Variants in BAIAP3 observed in about 807,000 individuals in gnomAD.
BAIAP3 encodes the protein BAI1 associated protein 3, also known as BAI1-associated protein 3.
Under a neutral mutation model 149.7 loss-of-function variants are expected in BAIAP3, and 180 were observed. The ratio of observed to expected loss-of-function variants is 1.20; its 90% CI spans 1.07 to 1.36. BAIAP3 has a LOEUF of 1.36. BAIAP3 is among the 40% of genes most tolerant of loss of function. The pLI, the probability that BAIAP3 is intolerant of heterozygous loss-of-function variation, is 0.00. For synonymous variants in BAIAP3, 845 were observed against 670.7 expected, an observed-to-expected ratio of 1.26 and a Z score of -4.02; for missense variants, 1,767 against 1,563.4, an observed-to-expected ratio of 1.13 and a Z score of -2.20.
Position 1,343,386 on chromosome 16 carries a change from C to A in BAIAP3, c.1266-7C>A. On this transcript the variant is annotated splice_region_variant and splice_polypyrimidine_tract_variant and intron_variant, in intron 14 of 33. Coordinates refer to ENST00000426824, the MANE Select transcript of BAIAP3 (RefSeq NM_001199097.2). ...CATACCCTTTGACCATGGGCCGGGC[C>A]CCACAGGCACTGGCAGGTCAGCAGC... is the stretch of plus-strand genomic sequence containing the variant. The A allele has an allele frequency of 1.3e-6, 2 of 1,579,970 alleles. No homozygotes were observed. The highest frequency in any genetic ancestry group is 8.6e-7 in the Non-Finnish European group (1 of 1,163,992).
intron 1 of BAIAP3, among the ~76,000 whole-genome samples, chr16:1,337,323 C>T (rs1469507907): frequency 6.6e-6 from 1 of 152,186 alleles, no homozygotes; most frequent in Non-Finnish European, 1.5e-5. Context: ...CAAGACCAGC[C>T]TGGCCAACAT....
At chr16:1,344,919 G>C in intron 20 of BAIAP3, 50 bp from the exon 21 acceptor site, 3 of 1,613,552 alleles carry the variant, frequency 1.9e-6, no homozygotes, top group Non-Finnish European at 1.7e-6. Context: ...TGGCTAGGAC[G>C]GTCCTGGGAT....
In BAIAP3 at chr16:1,349,336, C is replaced by A. The variant is rs760851056; in HGVS notation, c.*854C>A. On this transcript the variant is annotated 3_prime_UTR_variant, in exon 34 of 34. Coordinates refer to ENST00000426824, the MANE Select transcript of BAIAP3 (RefSeq NM_001199097.2). ...GGAGAACCCGGACAGCTCAGTCCTG[C>A]CAGCAGCCGCAAAGAGCCGAGGCTG... is the stretch of plus-strand genomic sequence containing the variant. 7.4e-7 allele frequency: 1 copy of A among 1,359,880 alleles called. No individual in the cohort carries two copies. Among genetic ancestry groups the A allele is most frequent in the Non-Finnish European group, 1.1e-6 (1 of 950,734 alleles). The allele number at this position is 1,359,880 out of a possible 1,614,324, so 84.2% of individuals were successfully genotyped here.
chr16:1,347,754 G>A lies in BAIAP3; in HGVS notation c.2958G>A (p.Glu986=), dbSNP rs766033341. The A allele has an allele frequency of 1.2e-6, 2 of 1,609,928 alleles. No individual in the cohort carries two copies. The highest frequency in any genetic ancestry group is 1.7e-6 in the Non-Finnish European group (2 of 1,177,724). Residue 986 remains glutamate (E), a synonymous_variant, in exon 31 of 34, where the codon GAG becomes GAA. Coordinates refer to ENST00000426824, the MANE Select transcript of BAIAP3 (RefSeq NM_001199097.2). The part of the protein sequence containing the change: ...FGRLSVRCHY[E]AAEQRLAVEV... The stretch of plus-strand genomic sequence containing the variant: ...GCCTGAGCGTCCGTTGCCATTACGA[G>A]GCGGCTGAGCAGCGGCTGGCCGTGG...
chr16:1,334,456 CG>C (rs1245485326), intron 1 of BAIAP3: 2 of 580,286 alleles, frequency 3.4e-6, no homozygotes, highest in African/African-American at 1.9e-5. Flanking sequence ...TGCCGCGAGG[CG>C]GGGCAGGGAG....
rs2034216566 is a variant in BAIAP3, at chr16:1,345,042, T to A, written c.1883T>A (p.Phe628Tyr). Residue 628 changes from phenylalanine (F) to tyrosine (Y), a missense_variant, in exon 21 of 34, where the codon TTT (phenylalanine) becomes TAT (tyrosine). Coordinates refer to ENST00000426824, the MANE Select transcript of BAIAP3 (RefSeq NM_001199097.2). Reference sequence around the variant, plus strand: ...ACCCTGGAGGTGGCCTCGGGGCTCTTTGAGCTCTACCTGACCCTGGCTGAC... The same window carrying A: ...ACCCTGGAGGTGGCCTCGGGGCTCTATGAGCTCTACCTGACCCTGGCTGAC... ...KMTLEVASGL[F>Y]ELYLTLADLQ... The A allele has an allele frequency of 1.9e-6, 3 of 1,612,470 alleles. No homozygotes were observed. The highest frequency in any genetic ancestry group is 2.5e-6 in the Non-Finnish European group (3 of 1,180,014).
chr16:1,345,983 C>A lies in BAIAP3; in HGVS notation c.2209-3C>A. ...TGGCTCCCCACCGCCATCCCCTCCT[C>A]AGGACGTGTGTGAGGCCACCCTCTT... On this transcript the variant is annotated splice_region_variant and splice_polypyrimidine_tract_variant and intron_variant, in intron 23 of 33. Coordinates refer to ENST00000426824, the MANE Select transcript of BAIAP3 (RefSeq NM_001199097.2). The A allele has an allele frequency of 6.2e-7, 1 of 1,604,816 alleles. No individual in the cohort carries two copies. Among genetic ancestry groups the A allele is most frequent in the Non-Finnish European group, 8.5e-7 (1 of 1,175,624 alleles).
chr16:1,341,892 C>T (rs112493599), intron 9 of BAIAP3, 26 bp downstream of exon 9: 33,208 of 1,605,404 alleles, frequency 0.021, 454 homozygotes, highest in South Asian at 0.042. Context: ...CCATGCAGGG[C>T]GGCGGGGATG....
chr16:1,341,301 C>T lies in BAIAP3; in HGVS notation c.543C>T (p.Ser181=), dbSNP rs978127870. 9.3e-6 allele frequency: 15 copies of T among 1,607,814 alleles called. No individual in the cohort carries two copies. In the Admixed American group the frequency reaches 1.2e-4, roughly 13 times the overall value. Residue 181 remains serine (S), a synonymous_variant, in exon 8 of 34, where the codon AGC becomes AGT. Transcript: ENST00000426824. The part of the protein sequence containing the change: ...NLLAKDPNGF[S]DPYCMLGILP... The stretch of plus-strand genomic sequence containing the variant: ...GACGCCTGCCGTGCCCAGGCTTCAG[C>T]GACCCATACTGCATGCTGGGCATCC...
In BAIAP3 at chr16:1,349,209, G is replaced by C. The variant is rs978040387; in HGVS notation, c.*727G>C. The C allele has an allele frequency of 2.5e-5, 15 of 588,262 alleles. No individual in the cohort carries two copies. Among genetic ancestry groups the C allele is most frequent in the South Asian group, 2.3e-4 (12 of 51,996 alleles). The allele number at this position is 588,262 out of a possible 1,614,324, so 36.4% of individuals were successfully genotyped here. A position where few individuals can be genotyped will look rare whatever the true frequency, so the allele number is the denominator to read the frequency against. ...AGAGTTCGCCCCAACCCTTCCCCAGGCCCAGTGTGAAAAACAGACTCACAA... is the reference window on the plus strand; with the variant it reads ...AGAGTTCGCCCCAACCCTTCCCCAGCCCCAGTGTGAAAAACAGACTCACAA... On this transcript the variant is annotated 3_prime_UTR_variant, in exon 34 of 34. Coordinates refer to ENST00000426824, the MANE Select transcript of BAIAP3 (RefSeq NM_001199097.2).
chr16:1,345,677 A>T (rs1377961208), intron 22 of BAIAP3, 70 bp from the exon 23 acceptor site: 26 of 288,866 alleles, frequency 9.0e-5, no homozygotes, highest in Middle Eastern at 1.1e-3. Context: ...CTCCCCCACA[A>T]CCCCCGCCTC....
Position 1,344,314 on chromosome 16 carries a change from G to T in BAIAP3, c.1599G>T (p.Leu533=), listed in dbSNP as rs774368065. 1.4e-5 allele frequency: 23 copies of T among 1,613,694 alleles called. 1 individual carries two copies. The South Asian group carries it at 2.3e-4, about 16-fold the overall frequency. Reference sequence around the variant, plus strand: ...TGAACATGGACATTGCTGCGGCCCTGAAGGTGTGTTCCAAAGCCCAGTGGA... The same window carrying T: ...TGAACATGGACATTGCTGCGGCCCTTAAGGTGTGTTCCAAAGCCCAGTGGA... The part of the protein sequence containing the change: ...SELNMDIAAA[L]KRGNREWYDR... The change falls in exon 17 of 34, where the codon CTG becomes CTT. Residue 533 remains leucine (L), a synonymous_variant. Coordinates refer to ENST00000426824, the MANE Select transcript of BAIAP3 (RefSeq NM_001199097.2).
In BAIAP3 at chr16:1,346,361, G is replaced by C; in HGVS notation, c.2493G>C (p.Lys831Asn). Residue 831 changes from lysine (K) to asparagine (N), a missense_variant and splice_region_variant, in exon 25 of 34, where the codon AAG becomes AAC. Lys to Asn is a moderately conservative substitution (Grantham distance 94). Coordinates refer to ENST00000426824, the MANE Select transcript of BAIAP3 (RefSeq NM_001199097.2). ...CGGTGACAGCGCACCTGACCTCTAA[G>C]GTGGGTGGGGCCTGGAGACCAAGGC... is the stretch of plus-strand genomic sequence containing the variant. ...AHTVTAHLTS[K>N]MVGDIRKYVQ... The C allele has an allele frequency of 6.2e-7, 1 of 1,609,512 alleles. No individual in the cohort carries two copies. The highest frequency in any genetic ancestry group is 8.5e-7 in the Non-Finnish European group (1 of 1,177,362).
At position 1,345,841 on chromosome 16, in the gene BAIAP3, C is replaced by A. The variant is rs372361431; in HGVS notation, c.2159C>A (p.Ala720Glu). 1.1e-5 allele frequency: 17 copies of A among 1,579,350 alleles called. No individual in the cohort carries two copies. The highest frequency in any genetic ancestry group is 1.1e-5 in the Non-Finnish European group (13 of 1,164,806). ...SHIQELWVRL[A>E]WPDPAQAQGL... ...ATCCAGGAGTTGTGGGTGCGCCTGG[C>A]GTGGCCTGACCCTGCCCAGGCTCAG... The change falls in exon 23 of 34, where the codon GCG (alanine) becomes GAG (glutamate). Residue 720 changes from alanine (A) to glutamate (E), a missense_variant. Ala to Glu is a moderately radical substitution (Grantham distance 107). Transcript: ENST00000426824.
Position 1,344,322 on chromosome 16 carries a change from G to C in BAIAP3, c.1602+5G>C, listed in dbSNP as rs1464316334. ...GACATTGCTGCGGCCCTGAAGGTGTGTTCCAAAGCCCAGTGGAGGCCGGCT... is the reference window on the plus strand; with the variant it reads ...GACATTGCTGCGGCCCTGAAGGTGTCTTCCAAAGCCCAGTGGAGGCCGGCT... On this transcript the variant is annotated splice_donor_5th_base_variant and intron_variant, in intron 17 of 33. Transcript: ENST00000426824. 2 of 1,613,758 alleles carry C rather than the reference G, an allele frequency of 1.2e-6. No individual in the cohort carries two copies. The highest frequency in any genetic ancestry group is 1.7e-6 in the Non-Finnish European group (2 of 1,179,948).
In BAIAP3 at chr16:1,342,749, T is replaced by G. The variant is rs1381585008; in HGVS notation, c.1096T>G (p.Ser366Ala). The change falls in exon 13 of 34, where the codon TCC (serine) becomes GCC (alanine). Residue 366 changes from serine to alanine, a missense_variant. Ser to Ala is a moderately conservative substitution (Grantham distance 99). Transcript: ENST00000426824. ...RDTAMSQRGR[S>A]GFLSHLLLLS... ...TACGGCCATGAGCCAGCGCGGGCGA[T>G]CCGGCTTCCTGTCCCACCTGCTGCT... is the stretch of plus-strand genomic sequence containing the variant. 1 of 1,612,496 alleles carries G rather than the reference T, an allele frequency of 6.2e-7. No homozygotes were observed. The highest frequency in any genetic ancestry group is 2.2e-5 in the East Asian group (1 of 44,874).
Position 1,347,771 on chromosome 16 carries a change from T to C in BAIAP3, c.2975T>C (p.Leu992Pro). ...RCHYEAAEQRLAVEVLHAADL... is the reference protein window; with the variant it reads ...RCHYEAAEQRPAVEVLHAADL... The stretch of plus-strand genomic sequence containing the variant: ...CATTACGAGGCGGCTGAGCAGCGGC[T>C]GGCCGTGGAGGTGCTGCACGCCGCG... The change falls in exon 31 of 34, where the codon CTG becomes CCG. Residue 992 changes from leucine to proline, a missense_variant. Leu to Pro is a moderately conservative substitution (Grantham distance 98, BLOSUM62 -3). Transcript: ENST00000426824. 6.2e-7 allele frequency: 1 copy of C among 1,609,044 alleles called. No individual in the cohort carries two copies. Among genetic ancestry groups the C allele is most frequent in the South Asian group, 1.1e-5 (1 of 90,888 alleles).
intron 1 of BAIAP3, among the ~76,000 whole-genome samples, chr16:1,334,293 G>C (rs1057365540): frequency 3.3e-5 from 5 of 151,656 alleles, no homozygotes; most frequent in African/African-American, 7.3e-5. Context: ...GTGGGCTCTT[G>C]CCTGGGCCGG....
Position 1,344,620 on chromosome 16 carries a change from C to T in BAIAP3, c.1679C>T (p.Pro560Leu). The T allele has an allele frequency of 1.2e-6, 2 of 1,613,350 alleles. No homozygotes were observed. Among genetic ancestry groups the T allele is most frequent in the Non-Finnish European group, 1.7e-6 (2 of 1,180,032 alleles). Residue 560 changes from proline (P) to leucine (L), a missense_variant, in exon 19 of 34, where the codon CCT becomes CTT. Pro to Leu is a moderately conservative substitution (Grantham distance 98, BLOSUM62 -3). Transcript: ENST00000426824. ...TTGCAGCCAGGACCACAGCGCCTGC[C>T]TGGGCTGGTTGTGCTGGCTGACGCC... ...PREQPGPQRL[P>L]GLVVLADAVY... is the part of the protein sequence containing the mutation.
Sources: allele counts gnomAD v4.1 joint callset (sites outside exome capture counted in the v4.1 genomes callset), GRCh38; gene constraint gnomAD v4.1.1; transcripts MANE v1.5; gene names NCBI Gene and HGNC (gene_info 2026-07-23, HGNC 2026-07-21).